Variants in SLC6A20 observed in about 807,000 individuals in gnomAD.
The protein encoded by SLC6A20 is sodium- and chloride-dependent transporter XTRP3.
SLC6A20 carries 73 observed loss-of-function variants against 64.3 expected under a neutral mutation model. The ratio of observed to expected loss-of-function variants is 1.14; its 90% CI spans 0.94 to 1.38. The LOEUF is 1.38. Ranked by LOEUF, SLC6A20 falls within the 40% of genes most tolerant of loss-of-function variation. SLC6A20 has a pLI of 0.00. For missense variants in SLC6A20, 725 were observed against 772.8 expected (o/e 0.94, Z 0.73); for synonymous variants, 347 against 329.6 (o/e 1.05, Z -0.57).
chr3:45,756,005 G>A lies in SLC6A20; in HGVS notation c.*2973C>T, dbSNP rs541334184. On this transcript the variant is annotated 3_prime_UTR_variant, in exon 11 of 11. Coordinates refer to ENST00000358525, the MANE Select transcript of SLC6A20 (RefSeq NM_020208.4). ...TTTCTTTTTTAAATGGGGCCTCTCAGATTTGGCTGCACATCGGATCACCTA... is the reference window on the plus strand; with the variant it reads ...TTTCTTTTTTAAATGGGGCCTCTCAAATTTGGCTGCACATCGGATCACCTA... The A allele has an allele frequency of 6.6e-6, 1 of 152,286 alleles. No homozygotes were observed. Among genetic ancestry groups the A allele is most frequent in the South Asian group, 2.1e-4 (1 of 4,820 alleles). The allele number at this position is 152,286 out of a possible 1,614,324, so 9.4% of individuals were successfully genotyped here.
At chr3:45,769,821 A>G (rs189427751) in intron 7 of SLC6A20, among the ~76,000 whole-genome samples, 61 of 152,278 alleles carry the variant, frequency 4.0e-4, no homozygotes, top group African/African-American at 1.4e-3. Context: ...AAAAAGGGGG[A>G]CTTTTTAACT....
chr3:45,788,105 C>T (rs1700198377), intron 1 of SLC6A20, among the ~76,000 whole-genome samples: 1 of 152,024 alleles, frequency 6.6e-6, no homozygotes, highest in Non-Finnish European at 1.5e-5. Context: ...CATCACTGTG[C>T]CTGACTAATT....
chr3:45,788,516 A>G (rs1700203633), intron 1 of SLC6A20, among the ~76,000 whole-genome samples: 1 of 152,226 alleles, frequency 6.6e-6, no homozygotes, highest in South Asian at 2.1e-4. Context: ...CACTAGTCCT[A>G]GGTTAACTTG....
intron 1 of SLC6A20, among the ~76,000 whole-genome samples, chr3:45,787,288 C>T (rs1700185346): frequency 6.6e-6 from 1 of 152,132 alleles, no homozygotes; most frequent in African/African-American, 2.4e-5. Flanking sequence ...GCTGTTCCTC[C>T]TGCCCAGGAT....
intron 9 of SLC6A20, among the ~76,000 whole-genome samples, chr3:45,761,735 T>C (rs1053390147): frequency 6.6e-6 from 1 of 152,220 alleles, no homozygotes; most frequent in Non-Finnish European, 1.5e-5. Flanking sequence ...AAGGCATTCC[T>C]TGACCAAGTA....
rs1228301774 is a variant in SLC6A20, at chr3:45,765,510, C to A, written c.1303+27G>T. The A allele has an allele frequency of 6.3e-7, 1 of 1,598,636 alleles. No individual in the cohort carries two copies. Among genetic ancestry groups the A allele is most frequent in the Non-Finnish European group, 8.5e-7 (1 of 1,173,008 alleles). The stretch of plus-strand genomic sequence containing the variant: ...CACGCCTTGGCCCTCCTGACCCCTG[C>A]CTCCTCCACTGGCTGGCCCCGCTGA... On this transcript the variant is annotated intron_variant, in intron 8 of 10. Transcript: ENST00000358525. This position sits in a 1 kb window ranked among gnomAD's most constrained non-coding sequence, Gnocchi z 4.2.
intron 2 of SLC6A20, among the ~76,000 whole-genome samples, chr3:45,781,337 T>G (rs1700081535): frequency 1.3e-5 from 2 of 152,192 alleles, no homozygotes; most frequent in African/African-American, 4.8e-5. Flanking sequence ...ACATATAAGC[T>G]TCCACCCTCT....
At chr3:45,770,165 T>C in intron 7 of SLC6A20, 44 bp downstream of exon 7, 1 of 1,611,266 alleles carries the variant, frequency 6.2e-7, no homozygotes, top group South Asian at 1.1e-5. Context: ...TTCCCATGAG[T>C]GTGTGGAGAG....
intron 9 of SLC6A20, among the ~76,000 whole-genome samples, chr3:45,761,767 T>C (rs543879541): frequency 6.6e-6 from 1 of 152,326 alleles, no homozygotes; most frequent in East Asian, 1.9e-4. Flanking sequence ...GCTGCAATTC[T>C]AACCCTCTCT....
rs1331805199 is a variant in SLC6A20, at chr3:45,757,447, T to C, written c.*1531A>G. 5 of 152,262 alleles carry C rather than the reference T, an allele frequency of 3.3e-5. No homozygotes were observed. The highest frequency in any genetic ancestry group is 7.3e-5 in the Non-Finnish European group (5 of 68,124). 9.4% of individuals were successfully genotyped at this position (152,262 alleles called of 1,614,324 possible). ...CTGCAGCTTTCTGCTGTGCATTGTG[T>C]CCCTGGTTAATCGAGAATGGAGAAT... On this transcript the variant is annotated 3_prime_UTR_variant, in exon 11 of 11. Coordinates refer to ENST00000358525, the MANE Select transcript of SLC6A20 (RefSeq NM_020208.4).
chr3:45,759,264 C>T (rs1173182818), intron 10 of SLC6A20, 137 bp from the exon 11 acceptor site: 15 of 870,368 alleles, frequency 1.7e-5, no homozygotes, highest in South Asian at 8.0e-5. Flanking sequence ...CCTGGGGCCA[C>T]GGGCTCTGCA....
intron 2 of SLC6A20, 77 bp from the exon 3 acceptor site, chr3:45,780,177 G>T: frequency 6.9e-7 from 1 of 1,444,784 alleles, no homozygotes; most frequent in Non-Finnish European, 9.5e-7. Flanking sequence ...TGTGCTCCCA[G>T]GACACACCTG....
intron 5 of SLC6A20, chr3:45,771,859 C>A: frequency 4.3e-6 from 1 of 233,308 alleles, no homozygotes; most frequent in Non-Finnish European, 8.4e-6. Context: ...GATTCATAGG[C>A]AGTTACTGCA....
intron 4 of SLC6A20, 102 bp from the exon 5 acceptor site, chr3:45,772,717 C>T (rs1028879119): frequency 1.9e-5 from 17 of 891,992 alleles, no homozygotes; most frequent in Middle Eastern, 2.4e-4. Context: ...CAGGCTGCAC[C>T]GCCCAGCTGC....
Position 45,758,379 on chromosome 3 carries a change from C to T in SLC6A20, c.*599G>A, listed in dbSNP as rs2251347. 0.95 allele frequency: 1,204,794 copies of T among 1,261,720 alleles called. 575,317 individuals are homozygous for T. Among genetic ancestry groups the T allele is most frequent in the African/African-American group, 0.98 (63,536 of 64,574 alleles). 78.2% of individuals were successfully genotyped at this position (1,261,720 alleles called of 1,614,324 possible). On this transcript the variant is annotated 3_prime_UTR_variant, in exon 11 of 11. Transcript: ENST00000358525. ...TAGAGAGGTCTGGTCCTGGACCCAC[C>T]GTCAGAGACCTTAGAGAAAGGATCC...
In SLC6A20 at chr3:45,756,211, C is replaced by T. The variant is rs1056897935; in HGVS notation, c.*2767G>A. On this transcript the variant is annotated 3_prime_UTR_variant, in exon 11 of 11. Coordinates refer to ENST00000358525, the MANE Select transcript of SLC6A20 (RefSeq NM_020208.4). ...ATTTATCTTTTCACTCCTGAGGCTA[C>T]CTGGTATTCAAGGCTTACGCACCCT... 1.3e-5 allele frequency: 2 copies of T among 152,200 alleles called. No homozygotes were observed. The highest frequency in any genetic ancestry group is 1.3e-4 in the Admixed American group (2 of 15,274). The allele number at this position is 152,200 out of a possible 1,614,324, so 9.4% of individuals were successfully genotyped here.
At chr3:45,796,195 C>T in intron 1 of SLC6A20, 104 bp downstream of exon 1, 1 of 1,500,044 alleles carries the variant, frequency 6.7e-7, no homozygotes, top group Non-Finnish European at 9.0e-7. Context: ...CTCGCTTTCC[C>T]GGCCTCAGTG....
chr3:45,793,918 C>A (rs577750917), intron 1 of SLC6A20, among the ~76,000 whole-genome samples: 1 of 151,014 alleles, frequency 6.6e-6, no homozygotes, highest in East Asian at 1.9e-4. Flanking sequence ...CTCTAGCATC[C>A]TCTAGCGTCA....
rs1699959583 is a variant in SLC6A20, at chr3:45,775,963, G to C, written c.380C>G (p.Pro127Arg). Residue 127 changes from proline (P) to arginine (R), a missense_variant, in exon 4 of 11, where the codon CCA becomes CGA. Pro to Arg is a moderately radical substitution (Grantham distance 103). Coordinates refer to ENST00000358525, the MANE Select transcript of SLC6A20 (RefSeq NM_020208.4). ...GTAGCCCGTGTGGTTACCATTCAGT[G>C]GGCAGACAGACCACGGCAGGGGATC... ...FQDPLPWSVC[P>R]LNGNHTGYDE... is the part of the protein sequence containing the mutation. 2.5e-6 allele frequency: 4 copies of C among 1,614,192 alleles called. No homozygotes were observed. The highest frequency in any genetic ancestry group is 3.4e-6 in the Non-Finnish European group (4 of 1,179,992).
Sources: gnomAD v4.1 joint callset for allele counts (sites outside exome capture counted in the v4.1 genomes callset) on GRCh38, gnomAD v4.1.1 for gene constraint, Gnocchi (gnomAD v3.1) non-coding constraint, MANE v1.5 for transcripts, NCBI Gene and HGNC (gene_info 2026-07-23, HGNC 2026-07-21) for gene names.